Variants in DNAH3 observed in about 807,000 individuals in gnomAD.
The protein encoded by DNAH3 is dynein axonemal heavy chain 3.
DNAH3 carries 332 observed loss-of-function variants against 432.5 expected under a neutral mutation model. The observed-to-expected ratio is 0.77, with a 90% confidence interval of 0.70 to 0.84. The LOEUF (loss-of-function observed/expected upper bound fraction) is 0.84, where lower values mean the gene tolerates loss of function less well. DNAH3 is among the 40% of genes least tolerant of loss of function. The pLI is 0.00. For synonymous variants in DNAH3, 1,956 were observed against 1,900.2 expected (o/e 1.03, Z -0.76); for missense variants, 4,861 against 5,114.0 (o/e 0.95, Z 1.51).
exon 53 of DNAH3, chr16:20,964,557 G>A: frequency 6.2e-7 from 1 of 1,614,128 alleles, no homozygotes; most frequent in Non-Finnish European, 8.5e-7. Context: ...TCATGTAGTT[G>A]CTATCAGAGA....
intron 51 of DNAH3, among the ~76,000 whole-genome samples, chr16:20,972,238 CTTTT>C (rs567074716): frequency 7.0e-5 from 10 of 143,052 alleles, no homozygotes; most frequent in African/African-American, 2.3e-4. Flanking sequence ...TTTTTTCTCT[CTTTT>C]TTTTTTTTTG....
At chr16:21,134,600 C>T (rs1474706186) in intron 6 of DNAH3, 146 bp from the exon 8 acceptor site, 3 of 634,404 alleles carry the variant, frequency 4.7e-6, no homozygotes, top group Non-Finnish European at 7.7e-6. Flanking sequence ...TCAAGTGATC[C>T]TCCCACCTCA....
chr16:20,944,519 C>T (rs1229095791), exon 58 of DNAH3: 1 of 1,614,160 alleles, frequency 6.2e-7, no homozygotes, highest in Admixed American at 1.7e-5. Context: ...CCACTTCCTC[C>T]TGACTGTCTA....
At chr16:20,955,782 G>T (rs963979100) in intron 54 of DNAH3, among the ~76,000 whole-genome samples, 1 of 152,038 alleles carries the variant, frequency 6.6e-6, no homozygotes, top group Non-Finnish European at 1.5e-5. Context: ...AAATGCAAGT[G>T]TATCTATGCC....
At chr16:20,964,991 C>A in exon 53 of DNAH3, 1 of 1,614,186 alleles carries the variant, frequency 6.2e-7, no homozygotes. Flanking sequence ...TCTGCCCTGA[C>A]CAGCTTTTGG....
intron 44 of DNAH3, among the ~76,000 whole-genome samples, chr16:20,988,789 C>A (rs900519603): frequency 3.9e-5 from 6 of 152,198 alleles, no homozygotes; most frequent in South Asian, 2.1e-4. Context: ...CTTAAGGTGG[C>A]GCGTCTGGAG....
Position 21,003,101 on chromosome 16 carries a change from T to C in DNAH3, c.6126+3A>G, listed in dbSNP as rs1331902082. The C allele has an allele frequency of 5.7e-6, 9 of 1,588,428 alleles. No homozygotes were observed. Among genetic ancestry groups the C allele is most frequent in the African/African-American group, 1.3e-5 (1 of 74,490 alleles). ...GTTCCATGGCCAATGATTCTCTTTA[T>C]ACCTTTGCACCAGCTGGAACTTTTT... On this transcript the variant is annotated splice_donor_region_variant and intron_variant, in intron 42 of 61. Transcript: ENST00000261383.
chr16:21,067,776 G>GGGGAGAGAGA, intron 23 of DNAH3, among the ~76,000 whole-genome samples: 1 of 40,896 alleles, frequency 2.4e-5, no homozygotes, highest in African/African-American at 1.2e-4. Context: ...GGGTGGGGAG[G>GGGGAGAGAGA]GAGAGAGAGA....
At chr16:21,112,212 G>C (rs907010618) in intron 12 of DNAH3, 114 bp from the exon 13 acceptor site, 4 of 712,088 alleles carry the variant, frequency 5.6e-6, no homozygotes, top group Non-Finnish European at 9.3e-6. Flanking sequence ...GCCCAAGCCA[G>C]GAAAGAGAAC....
At chr16:20,944,805 T>C in intron 57 of DNAH3, 142 bp from the exon 58 acceptor site, 5 of 703,438 alleles carry the variant, frequency 7.1e-6, no homozygotes, top group Non-Finnish European at 1.1e-5. Context: ...ACACACACGC[T>C]GGGAGAACAC....
intron 15 of DNAH3, 103 bp from the exon 16 acceptor site, chr16:21,104,697 G>A: frequency 1.5e-6 from 1 of 679,192 alleles, no homozygotes; most frequent in South Asian, 1.7e-5. Flanking sequence ...GGAGTGGTGT[G>A]GGGGTGGCAA....
chr16:21,100,734 G>A lies in DNAH3; in HGVS notation c.2367-1965C>T, dbSNP rs2152795424. Among the ~76,000 whole-genome samples the A allele has an allele frequency of 1.3e-5, 2 of 152,256 alleles. 1 individual carries two copies. The highest frequency in any genetic ancestry group is 4.2e-4 in the South Asian group (2 of 4,814). The stretch of plus-strand genomic sequence containing the variant: ...TACCACTGAGTTGGATGAAATGATG[G>A]GGGAGAGAGGCAATGCTTATTATTC... On this transcript the variant is annotated intron_variant, in intron 16 of 61. Coordinates refer to ENST00000261383, the Ensembl canonical transcript of DNAH3.
intron 31 of DNAH3, among the ~76,000 whole-genome samples, chr16:21,047,379 T>C (rs1462599152): frequency 6.6e-6 from 1 of 150,634 alleles, no homozygotes; most frequent in Non-Finnish European, 1.5e-5. Flanking sequence ...TCATTTCTTT[T>C]TATTCTTTTT....
intron 41 of DNAH3, among the ~76,000 whole-genome samples, chr16:21,005,634 C>T (rs1332936274): frequency 2.0e-5 from 3 of 151,824 alleles, no homozygotes; most frequent in Non-Finnish European, 2.9e-5. Flanking sequence ...CTGCCTTGGC[C>T]TCCTAAAGTG....
intron 28 of DNAH3, among the ~76,000 whole-genome samples, chr16:21,052,717 C>T (rs1415549031): frequency 6.6e-6 from 1 of 152,210 alleles, no homozygotes; most frequent in African/African-American, 2.4e-5. Context: ...TTGTTATCAT[C>T]CCCAAATTCT....
At chr16:21,054,932 T>A (rs372971391) in intron 27 of DNAH3, among the ~76,000 whole-genome samples, 28 of 152,222 alleles carry the variant, frequency 1.8e-4, no homozygotes, top group African/African-American at 6.7e-4. Context: ...CACAAATGCA[T>A]GTGTTTATCA....
At chr16:21,125,104 C>CA in intron 9 of DNAH3, 71 bp downstream of exon 10, 3 of 1,324,068 alleles carry the variant, frequency 2.3e-6, no homozygotes, top group Non-Finnish European at 3.1e-6. Flanking sequence ...ACGTACATGA[C>CA]AGAGTCCTGG....
At chr16:20,962,389 T>G (rs986044140) in intron 53 of DNAH3, among the ~76,000 whole-genome samples, 8 of 152,154 alleles carry the variant, frequency 5.3e-5, no homozygotes, top group South Asian at 2.1e-4. Context: ...GGCCCGTGCA[T>G]TGTGAGGCTT....
chr16:20,987,864 G>C lies in DNAH3; in HGVS notation c.6726-15C>G, dbSNP rs370546020. ...TCTTTCCGTACCTTGGGAGGAAAGG[G>C]ATGGCACAGTAGTCAAGGAGGGGCC... On this transcript the variant is annotated splice_polypyrimidine_tract_variant and intron_variant, in intron 45 of 61. Coordinates refer to ENST00000261383, the Ensembl canonical transcript of DNAH3. 15 of 1,614,022 alleles carry C rather than the reference G, an allele frequency of 9.3e-6. No homozygotes were observed. Among genetic ancestry groups the C allele is most frequent in the Non-Finnish European group, 1.2e-5 (14 of 1,180,012 alleles).
Sources: gnomAD v4.1 joint callset for allele counts (sites outside exome capture counted in the v4.1 genomes callset) on GRCh38, gnomAD v4.1.1 for gene constraint, MANE v1.5 for transcripts, NCBI Gene and HGNC (gene_info 2026-07-23, HGNC 2026-07-21) for gene names.